Variants in KLF12 observed in about 807,000 individuals in gnomAD.
KLF12 encodes KLF transcription factor 12.
KLF12 carries 9 observed loss-of-function variants against 37.8 expected under a neutral mutation model. That is an observed-to-expected ratio of 0.24 (90% CI 0.14 to 0.42). The LOEUF (loss-of-function observed/expected upper bound fraction) is 0.42. KLF12 is among the 10% of genes least tolerant of loss of function. The pLI is 1.00. For synonymous variants in KLF12, 208 were observed against 202.1 expected, an observed-to-expected ratio of 1.03 and a Z score of -0.25; for missense variants, 411 against 516.0, an observed-to-expected ratio of 0.80 and a Z score of 1.97.
chr13:73,839,891 T>C (rs1188698525), intron 4 of KLF12, among the ~76,000 whole-genome samples: 1 of 152,160 alleles, frequency 6.6e-6, no homozygotes, highest in Non-Finnish European at 1.5e-5. Context: ...AAACTTGCTA[T>C]ACTATCTCCT....
chr13:73,842,171 C>T (rs80025329), intron 4 of KLF12, among the ~76,000 whole-genome samples: 2 of 152,158 alleles, frequency 1.3e-5, no homozygotes, highest in Non-Finnish European at 2.9e-5. Flanking sequence ...AGAAGTTTCA[C>T]CCCACCCCTT....
chr13:74,144,049 C>T, the KLF12 span, among the ~76,000 whole-genome samples: 2 of 152,156 alleles, frequency 1.3e-5, no homozygotes, highest in East Asian at 3.8e-4. Context: ...AGCCCACTTC[C>T]ACTAAAGTAG....
intron 6 of KLF12, among the ~76,000 whole-genome samples, chr13:73,720,401 G>C (rs1172094162): frequency 1.3e-5 from 2 of 152,194 alleles, no homozygotes; most frequent in African/African-American, 4.8e-5. Flanking sequence ...GCATACACCA[G>C]TAGAGCATTC....
At chr13:74,173,268 A>G in the KLF12 span, among the ~76,000 whole-genome samples, 1 of 152,136 alleles carries the variant, frequency 6.6e-6, no homozygotes, top group African/African-American at 2.4e-5. Context: ...CTTTTCACTC[A>G]TTTGTACAGC....
chr13:74,248,966 G>A, the KLF12 span, among the ~76,000 whole-genome samples: 3 of 152,122 alleles, frequency 2.0e-5, no homozygotes, highest in Non-Finnish European at 4.4e-5. Flanking sequence ...GTCTTGGGAG[G>A]CTAAAGGATT....
intron 3 of KLF12, among the ~76,000 whole-genome samples, chr13:73,937,619 G>C (rs553895410): frequency 6.6e-6 from 1 of 152,252 alleles, no homozygotes; most frequent in East Asian, 1.9e-4. Flanking sequence ...GTGGGTGGCA[G>C]GAGAATTAAG....
chr13:74,274,621 A>G, the KLF12 span, among the ~76,000 whole-genome samples: 1 of 151,794 alleles, frequency 6.6e-6, no homozygotes, highest in Non-Finnish European at 1.5e-5. Context: ...ACTCATGCCA[A>G]TGTTGTATAT....
intron 4 of KLF12, among the ~76,000 whole-genome samples, chr13:73,821,205 CCTATTCTTTTCTGT>C (rs1006437099): frequency 7.2e-5 from 11 of 151,812 alleles, no homozygotes; most frequent in African/African-American, 2.7e-4. Context: ...GGTTTCGCTA[CCTATTCTTTTCTGT>C]CTGCCTCTTT....
chr13:74,148,403 C>CTTTTTTTTTTTTTTTTTT, the KLF12 span, among the ~76,000 whole-genome samples: 2 of 73,498 alleles, frequency 2.7e-5, no homozygotes, highest in African/African-American at 5.4e-5. Context: ...CAAAACTGCT[C>CTTTTTTTTTTTTTTTTTT]TTTTTTTTTT....
intron 2 of KLF12, among the ~76,000 whole-genome samples, chr13:73,972,797 G>T (rs1345736411): frequency 6.6e-6 from 1 of 150,888 alleles, no homozygotes; most frequent in Non-Finnish European, 1.5e-5. Flanking sequence ...GGTTGTGTGT[G>T]TTTTGCCCGT....
intron 1 of KLF12, among the ~76,000 whole-genome samples, chr13:74,091,117 T>C (rs1049050046): frequency 2.0e-5 from 3 of 152,148 alleles, no homozygotes; most frequent in Admixed American, 2.0e-4. Context: ...CCAAGATCAC[T>C]GTATGAAAAA....
At chr13:73,811,885 C>T (rs1227337195) in intron 5 of KLF12, among the ~76,000 whole-genome samples, 2 of 152,118 alleles carry the variant, frequency 1.3e-5, no homozygotes, top group Non-Finnish European at 2.9e-5. Flanking sequence ...CACAGACATA[C>T]ACTTATGCTG....
intron 5 of KLF12, among the ~76,000 whole-genome samples, chr13:73,810,181 G>A (rs1401154486): frequency 1.3e-5 from 2 of 151,980 alleles, no homozygotes; most frequent in East Asian, 3.9e-4. Flanking sequence ...GGAAGCAGAG[G>A]TTGTAGTGAT....
chr13:74,101,198 T>A (rs1003729794), intron 1 of KLF12, among the ~76,000 whole-genome samples: 1 of 152,166 alleles, frequency 6.6e-6, no homozygotes, highest in African/African-American at 2.4e-5. Flanking sequence ...TCTGGACCTA[T>A]TCACCTCCCC....
chr13:73,728,234 G>A (rs944852471), intron 6 of KLF12, among the ~76,000 whole-genome samples: 1 of 151,934 alleles, frequency 6.6e-6, no homozygotes, highest in African/African-American at 2.4e-5. Context: ...AAATGAAATC[G>A]TTTTCTTAAA....
intron 3 of KLF12, among the ~76,000 whole-genome samples, chr13:73,910,236 T>G (rs971821626): frequency 2.0e-5 from 3 of 152,200 alleles, no homozygotes; most frequent in African/African-American, 7.2e-5. Context: ...AGAAAAAGTT[T>G]GGAAATTTTA....
At chr13:73,732,059 G>A (rs1458394264) in intron 6 of KLF12, among the ~76,000 whole-genome samples, 1 of 150,630 alleles carries the variant, frequency 6.6e-6, no homozygotes, top group Non-Finnish European at 1.5e-5. Flanking sequence ...GTTTCACTTT[G>A]TGTTAACTGT....
chr13:73,797,869 T>C lies in KLF12; in HGVS notation c.806+15283A>G, dbSNP rs1882077934. The stretch of plus-strand genomic sequence containing the variant: ...TCAAAACCCGCCACTAGAGGCCTGG[T>C]CCAGGCCCAGAGTCAATCACATCTG... On this transcript the variant is annotated intron_variant, in intron 5 of 7. Transcript: ENST00000377669. 2.0e-5 allele frequency among the ~76,000 whole-genome samples: 3 copies of C among 151,814 alleles called. No homozygotes were observed. In the South Asian group the frequency reaches 6.3e-4, roughly 32 times the overall value.
intron 1 of KLF12, among the ~76,000 whole-genome samples, chr13:74,063,862 T>C (rs1873752020): frequency 6.6e-6 from 1 of 152,196 alleles, no homozygotes; most frequent in Non-Finnish European, 1.5e-5. Context: ...AAACTAGAAC[T>C]TTCTGATGTT....
Sources: gnomAD v4.1 joint callset for allele counts (sites outside exome capture counted in the v4.1 genomes callset) on GRCh38, gnomAD v4.1.1 for gene constraint, MANE v1.5 for transcripts, NCBI Gene and HGNC (gene_info 2026-07-23, HGNC 2026-07-21) for gene names.